Variants in TOX2 observed in about 807,000 individuals in gnomAD.
TOX2 encodes TOX high mobility group box family member 2, also known as granulosa cell HMG box 1.
In TOX2, 15 loss-of-function variants were observed where a neutral mutation model predicts 47.4. The observed-to-expected ratio is 0.32, with a 90% confidence interval of 0.21 to 0.49. TOX2 has a LOEUF of 0.49. Among genes scored for constraint, TOX2 ranks in the 20% least tolerant of loss-of-function variants. TOX2 has a pLI of 0.99. For synonymous variants in TOX2, 290 were observed against 296.6 expected (o/e 0.98, Z 0.23); for missense variants, 622 against 673.1 (o/e 0.92, Z 0.84).
chr20:43,989,636 T>A (rs777237644), intron 2 of TOX2, among the ~76,000 whole-genome samples: 2 of 151,872 alleles, frequency 1.3e-5, no homozygotes, highest in African/African-American at 2.4e-5. Flanking sequence ...AAAAATTAGC[T>A]GGGCATGGTG....
At chr20:43,966,189 G>A (rs2069849735) in intron 1 of TOX2, among the ~76,000 whole-genome samples, 1 of 152,336 alleles carries the variant, frequency 6.6e-6, no homozygotes, top group Middle Eastern at 3.4e-3. Flanking sequence ...GCAAAGTGAA[G>A]TTAAAGTCAC....
intron 6 of TOX2, 45 bp from the exon 7 acceptor site, chr20:44,065,667 C>T: frequency 6.5e-7 from 1 of 1,535,030 alleles, no homozygotes. Flanking sequence ...TGTTCTGGCT[C>T]ATCCCTCTTC....
intron 1 of TOX2, among the ~76,000 whole-genome samples, chr20:43,953,737 A>C (rs904131307): frequency 5.9e-5 from 9 of 152,168 alleles, no homozygotes; most frequent in African/African-American, 2.2e-4. Context: ...GCAGGACCTT[A>C]GGACCAAGAG....
intron 1 of TOX2, 75 bp from the exon 2 acceptor site, chr20:43,973,291 TC>T: frequency 6.9e-7 from 1 of 1,453,950 alleles, no homozygotes; most frequent in Non-Finnish European, 9.6e-7. Context: ...TCCCCTGCCC[TC>T]CTCCGGCTGC....
chr20:44,037,041 A>G (rs1164451527), intron 3 of TOX2, among the ~76,000 whole-genome samples: 2 of 151,802 alleles, frequency 1.3e-5, no homozygotes, highest in Non-Finnish European at 2.9e-5. Flanking sequence ...TGCAACCTCT[A>G]CCTCCCGGGT....
chr20:44,067,977 C>T (rs559858678), intron 8 of TOX2, among the ~76,000 whole-genome samples: 4 of 152,218 alleles, frequency 2.6e-5, no homozygotes, highest in Non-Finnish European at 5.9e-5. Context: ...TCCCAGCACA[C>T]GGCTGGTTCC....
At chr20:44,058,184 G>A (rs902373898) in intron 5 of TOX2, among the ~76,000 whole-genome samples, 5 of 152,072 alleles carry the variant, frequency 3.3e-5, no homozygotes, top group African/African-American at 4.8e-5. Context: ...GTGAGTTGGC[G>A]TGCTTTCTCA....
At position 43,915,530 on chromosome 20, in the gene TOX2, C is replaced by G. The variant is rs1425469917; in HGVS notation, c.99+540C>G. ...ACTCTCGCAGCCACAACGCCTCACCCAGGCGCACGCTGTCACACACAGCCA... is the reference window on the plus strand; with the variant it reads ...ACTCTCGCAGCCACAACGCCTCACCGAGGCGCACGCTGTCACACACAGCCA... On this transcript the variant is annotated intron_variant, in intron 1 of 8. Coordinates refer to ENST00000341197, the MANE Select transcript of TOX2 (RefSeq NM_001098797.2). The surrounding 1 kb of genome is among the most constrained non-coding windows in gnomAD (Gnocchi z 7.1). Among the ~76,000 whole-genome samples, 8 of 152,194 alleles carry G rather than the reference C, an allele frequency of 5.3e-5. No individual in the cohort carries two copies.
At chr20:44,037,693 T>G (rs1299142794) in intron 3 of TOX2, among the ~76,000 whole-genome samples, 1 of 152,174 alleles carries the variant, frequency 6.6e-6, no homozygotes, top group Admixed American at 6.5e-5. Flanking sequence ...ATTATCATTA[T>G]TATTATTGCT....
intron 1 of TOX2, among the ~76,000 whole-genome samples, chr20:43,970,305 A>G (rs1407543364): frequency 6.6e-6 from 1 of 152,262 alleles, no homozygotes; most frequent in African/African-American, 2.4e-5. Flanking sequence ...GGATTAAATG[A>G]GGTCTTTTAT....
chr20:44,012,284 C>T (rs143814318), intron 3 of TOX2, among the ~76,000 whole-genome samples: 2 of 152,296 alleles, frequency 1.3e-5, no homozygotes, highest in African/African-American at 4.8e-5. Flanking sequence ...TCCTGGCTTA[C>T]CCAGGAGAGG....
At chr20:43,993,372 A>G (rs1044649647) in intron 2 of TOX2, among the ~76,000 whole-genome samples, 1 of 152,220 alleles carries the variant, frequency 6.6e-6, no homozygotes. Flanking sequence ...CGCTTGGACT[A>G]GGATGGTTGC....
chr20:44,048,191 C>T (rs1392548725), intron 3 of TOX2, among the ~76,000 whole-genome samples: 1 of 151,818 alleles, frequency 6.6e-6, no homozygotes, highest in African/African-American at 2.4e-5. Context: ...CATCACTGCA[C>T]TCCAGTGTGG....
chr20:44,026,913 C>T (rs1460520735), intron 3 of TOX2, among the ~76,000 whole-genome samples: 1 of 152,192 alleles, frequency 6.6e-6, no homozygotes, highest in Non-Finnish European at 1.5e-5. Flanking sequence ...TTTCCTGCCG[C>T]CTCCTCCCCA....
chr20:44,066,604 G>A, intron 7 of TOX2, 126 bp from the exon 8 acceptor site: 2 of 1,439,608 alleles, frequency 1.4e-6, no homozygotes, highest in Non-Finnish European at 1.9e-6. Flanking sequence ...CAAGGCAGCA[G>A]CCCTGGAGGC....
At chr20:44,045,181 C>T (rs575784850) in intron 3 of TOX2, among the ~76,000 whole-genome samples, 105 of 152,238 alleles carry the variant, frequency 6.9e-4, no homozygotes, top group African/African-American at 2.2e-3. Flanking sequence ...ATTCTGCAGA[C>T]GGCTGCTGGT....
At chr20:44,068,514 T>C in intron 8 of TOX2, 136 bp from the exon 9 acceptor site, 1 of 912,942 alleles carries the variant, frequency 1.1e-6, no homozygotes, top group South Asian at 1.9e-5. Flanking sequence ...GACTTGCAGA[T>C]GCAAGTCCCT....
chr20:43,919,894 G>A (rs941927686), intron 1 of TOX2, among the ~76,000 whole-genome samples: 1 of 152,214 alleles, frequency 6.6e-6, no homozygotes, highest in Admixed American at 6.5e-5. Context: ...TGGTGTATGT[G>A]TACCACATTC....
At chr20:44,006,220 G>A (rs1350478028) in intron 2 of TOX2, among the ~76,000 whole-genome samples, 1 of 152,196 alleles carries the variant, frequency 6.6e-6, no homozygotes, top group Non-Finnish European at 1.5e-5. Context: ...AAATGGGTGG[G>A]CAGGAAAGAT....
Sources: gnomAD v4.1 joint callset for allele counts (sites outside exome capture counted in the v4.1 genomes callset) on GRCh38, gnomAD v4.1.1 for gene constraint, Gnocchi (gnomAD v3.1) non-coding constraint, MANE v1.5 for transcripts, NCBI Gene and HGNC (gene_info 2026-07-23, HGNC 2026-07-21) for gene names.